Variants in NEDD4 observed in about 807,000 individuals in gnomAD.
The protein encoded by NEDD4 is NEDD4 E3 ubiquitin protein ligase.
In NEDD4, 99 loss-of-function variants were observed where a neutral mutation model predicts 144.9. That is an observed-to-expected ratio of 0.68 (90% confidence interval 0.58 to 0.81). NEDD4 has a LOEUF of 0.81. NEDD4 is among the 30% of genes least tolerant of loss of function. The pLI is 0.00. For missense variants in NEDD4, 985 were observed against 1,065.9 expected, an observed-to-expected ratio of 0.92 and a Z score of 1.06; for synonymous variants, 318 against 350.6, an observed-to-expected ratio of 0.91 and a Z score of 1.04.
chr15:55,907,032 T>C (rs545402539), intron 5 of NEDD4, among the ~76,000 whole-genome samples: 13 of 151,762 alleles, frequency 8.6e-5, no homozygotes, highest in African/African-American at 2.4e-4. Context: ...GAGGCAGAGG[T>C]TGCAGTGAGC....
chr15:55,838,179 G>A lies in NEDD4; in HGVS notation c.2129C>T (p.Thr710Ile). ...ACCATTTTTCAGCTCATGTTGATGT[G>A]TCTAAAATTAAACACAATAACTTGA... is the stretch of plus-strand genomic sequence containing the variant. ...FIIDEELFGQ[T>I]HQHELKNGGS... The change falls in exon 23 of 29, where the codon ACA becomes ATA. Residue 710 changes from threonine to isoleucine, a missense_variant and splice_region_variant. By Grantham distance (89) the Thr-to-Ile change is moderately conservative (BLOSUM62 -1). Transcript: ENST00000435532. The A allele has an allele frequency of 6.3e-7, 1 of 1,588,360 alleles. No individual in the cohort carries two copies.
chr15:55,881,501 C>T (rs1352104959), intron 5 of NEDD4, among the ~76,000 whole-genome samples: 1 of 152,002 alleles, frequency 6.6e-6, no homozygotes, highest in Non-Finnish European at 1.5e-5. Flanking sequence ...TAAGTCTGAT[C>T]TTTAAGAAGC....
At chr15:55,967,435 CTA>C (rs1333261365) in intron 1 of NEDD4, among the ~76,000 whole-genome samples, 1 of 127,458 alleles carries the variant, frequency 7.8e-6, no homozygotes, top group Admixed American at 8.7e-5. Context: ...CTGAACATAA[CTA>C]TGCTGTGTGT....
intron 26 of NEDD4, among the ~76,000 whole-genome samples, chr15:55,833,755 C>T (rs113078695): frequency 7.2e-5 from 11 of 152,300 alleles, no homozygotes; most frequent in African/African-American, 2.6e-4. Flanking sequence ...GAATACCCTG[C>T]AGGTTATTAC....
rs766155164 is a variant in NEDD4 at position 55,841,934 on chromosome 15, G to A, written c.1838C>T (p.Thr613Met). The A allele has an allele frequency of 1.8e-5, 29 of 1,605,442 alleles. No individual in the cohort carries two copies. The highest frequency in any genetic ancestry group is 8.9e-5 in the East Asian group (4 of 44,858). Residue 613 changes from threonine (T) to methionine (M), a missense_variant and splice_region_variant, in exon 19 of 29, where the codon ACG becomes ATG. Transcript: ENST00000435532. Reference sequence around the variant, plus strand: ...CGATAATCATTGTAAAGGTACTTACGTAGCAGAATATTCAAACAACCCATA... The same window carrying A: ...CGATAATCATTGTAAAGGTACTTACATAGCAGAATATTCAAACAACCCATA... Reference protein sequence around the residue: ...PYYGLFEYSATDNYTLQINPN... With the variant: ...PYYGLFEYSAMDNYTLQINPN...
intron 7 of NEDD4, among the ~76,000 whole-genome samples, chr15:55,871,141 C>T (rs2034780822): frequency 2.0e-5 from 3 of 152,122 alleles, no homozygotes; most frequent in Admixed American, 2.0e-4. Context: ...TGCTTATTCC[C>T]AAGGCCGCTA....
At chr15:55,948,699 G>T (rs1275159544) in intron 4 of NEDD4, among the ~76,000 whole-genome samples, 1 of 152,112 alleles carries the variant, frequency 6.6e-6, no homozygotes, top group South Asian at 2.1e-4. Context: ...AACAAGAAAT[G>T]GGGAAAGGAT....
intron 2 of NEDD4, among the ~76,000 whole-genome samples, chr15:55,952,057 G>A (rs1362189664): frequency 4.0e-5 from 6 of 151,408 alleles, no homozygotes; most frequent in Admixed American, 6.6e-5. Context: ...GGCCGCGCAC[G>A]GTGGCTCATG....
chr15:55,926,180 G>A (rs1409183803), intron 4 of NEDD4, among the ~76,000 whole-genome samples: 2 of 151,922 alleles, frequency 1.3e-5, no homozygotes, highest in Non-Finnish European at 2.9e-5. Context: ...GTTTTTTTGT[G>A]AATGGTGTCC....
At chr15:55,992,887 G>C (rs1188498553) in intron 1 of NEDD4, among the ~76,000 whole-genome samples, 1 of 152,094 alleles carries the variant, frequency 6.6e-6, no homozygotes, top group Non-Finnish European at 1.5e-5. Context: ...CATCAACGAC[G>C]ACCGGTGAAA....
At chr15:55,924,544 C>G (rs979953236) in intron 5 of NEDD4, 102 bp downstream of exon 5, 12 of 1,012,218 alleles carry the variant, frequency 1.2e-5, no homozygotes, top group East Asian at 1.0e-4. Flanking sequence ...ATAACCACCC[C>G]CAAGCCATCA....
chr15:55,902,033 A>C (rs1056445073), intron 5 of NEDD4, among the ~76,000 whole-genome samples: 18 of 152,182 alleles, frequency 1.2e-4, no homozygotes, highest in Non-Finnish European at 1.5e-5. Flanking sequence ...TAGCTATCCC[A>C]GATGTTTGAA....
chr15:55,889,969 C>T (rs1166642367), intron 5 of NEDD4, among the ~76,000 whole-genome samples: 1 of 152,074 alleles, frequency 6.6e-6, no homozygotes, highest in Non-Finnish European at 1.5e-5. Context: ...TCCCAAAGCG[C>T]TAGGATTACA....
At chr15:55,906,040 A>G (rs1430902829) in intron 5 of NEDD4, among the ~76,000 whole-genome samples, 1 of 152,192 alleles carries the variant, frequency 6.6e-6, no homozygotes, top group Non-Finnish European at 1.5e-5. Flanking sequence ...AATGCTCATC[A>G]TCACTGGCCA....
intron 4 of NEDD4, among the ~76,000 whole-genome samples, chr15:55,951,097 A>G (rs1227749217): frequency 2.0e-5 from 3 of 152,200 alleles, no homozygotes; most frequent in African/African-American, 7.2e-5. Context: ...AATTTGCATC[A>G]TCTTTATGAG....
intron 5 of NEDD4, chr15:55,915,352 C>T (rs774601282): frequency 1.2e-6 from 2 of 1,613,182 alleles, no homozygotes; most frequent in South Asian, 2.2e-5. Context: ...TCCACTTTAC[C>T]TTCATTTCCA....
chr15:55,867,999 C>A (rs185387290), intron 8 of NEDD4, among the ~76,000 whole-genome samples: 1 of 148,230 alleles, frequency 6.7e-6, no homozygotes, highest in East Asian at 2.0e-4. Context: ...GAGGCTGCAG[C>A]GAGCTGAGAT....
chr15:55,932,875 C>A (rs2036810105), intron 4 of NEDD4, among the ~76,000 whole-genome samples: 1 of 152,206 alleles, frequency 6.6e-6, no homozygotes, highest in Admixed American at 6.5e-5. Context: ...TATGCACAGA[C>A]ACTTCTCAAA....
chr15:55,903,399 T>A (rs955062937), intron 5 of NEDD4, among the ~76,000 whole-genome samples: 1 of 152,204 alleles, frequency 6.6e-6, no homozygotes, highest in African/African-American at 2.4e-5. Flanking sequence ...GCAAGTCATT[T>A]AAAAATTTCT....
Sources: allele counts gnomAD v4.1 joint callset (sites outside exome capture counted in the v4.1 genomes callset), GRCh38; gene constraint gnomAD v4.1.1; transcripts MANE v1.5; gene names NCBI Gene and HGNC (gene_info 2026-07-23, HGNC 2026-07-21).